The following RGS6 variants were observed in gnomAD, a reference collection of about 807,000 sequenced individuals.
RGS6 encodes regulator of G protein signaling 6, also known as regulator of G-protein signaling 6.
A neutral mutation model predicts 78.5 loss-of-function variants in RGS6; 30 were observed. The observed-to-expected ratio is 0.38, with a 90% confidence interval of 0.29 to 0.52. The LOEUF is 0.52. Among genes scored for constraint, RGS6 ranks in the 20% least tolerant of loss-of-function variants. The pLI is 0.85. For missense variants in RGS6, 495 were observed against 609.7 expected, an observed-to-expected ratio of 0.81 and a Z score of 1.98; for synonymous variants, 206 against 206.0, an observed-to-expected ratio of 1.00 and a Z score of 0.00.
In RGS6 at chr14:72,070,120, A is replaced by G. The variant is rs576734133; in HGVS notation, c.84+105245A>G. Among the ~76,000 whole-genome samples the G allele has an allele frequency of 2.6e-5, 4 of 151,662 alleles. No homozygotes were observed. The South Asian group carries it at 8.4e-4, about 32-fold the overall frequency. ...GTATCTGATTTGCTGGCTGTCATTC[A>G]TTGTGCTTTATTTCTCTCTCTCTCT... On this transcript the variant is annotated intron_variant, in intron 2 of 17. Coordinates refer to ENST00000553525, the MANE Select transcript of RGS6 (RefSeq NM_001204424.2).
chr14:72,344,557 T>A (rs2077628623), intron 2 of RGS6, among the ~76,000 whole-genome samples: 1 of 152,222 alleles, frequency 6.6e-6, no homozygotes, highest in Admixed American at 6.5e-5. Flanking sequence ...TCCCACTGAA[T>A]GCTGGAATCC....
the RGS6 span, chr14:72,619,767 G>T: frequency 7.1e-6 from 6 of 846,220 alleles, no homozygotes; most frequent in African/African-American, 1.0e-4. Context: ...ACCTTGTGGG[G>T]TTGTGATGAT....
intron 2 of RGS6, among the ~76,000 whole-genome samples, chr14:71,994,274 G>A (rs758517921): frequency 1.8e-4 from 27 of 152,004 alleles, no homozygotes; most frequent in Non-Finnish European, 3.5e-4. Flanking sequence ...AGTACCTAAC[G>A]AAGAATTTTT....
the RGS6 span, among the ~76,000 whole-genome samples, chr14:72,576,669 G>A: frequency 0.012 from 1,803 of 152,302 alleles, 35 homozygotes; most frequent in African/African-American, 0.041. Flanking sequence ...GTCCCATGAT[G>A]CAGACAGATT....
At chr14:72,461,839 C>T (rs562337658) in intron 6 of RGS6, among the ~76,000 whole-genome samples, 1 of 152,292 alleles carries the variant, frequency 6.6e-6, no homozygotes, top group African/African-American at 2.4e-5. Context: ...AATTACTTAA[C>T]CTCTCTGTGC....
intron 3 of RGS6, among the ~76,000 whole-genome samples, chr14:72,358,112 C>T (rs913856314): frequency 6.6e-6 from 1 of 152,134 alleles, no homozygotes; most frequent in Non-Finnish European, 1.5e-5. Flanking sequence ...TCTGGGTGTG[C>T]AGAAGACAAG....
intron 2 of RGS6, among the ~76,000 whole-genome samples, chr14:72,351,412 CA>C (rs1355712143): frequency 6.6e-6 from 1 of 152,186 alleles, no homozygotes; most frequent in Non-Finnish European, 1.5e-5. Flanking sequence ...AGGATGTCAA[CA>C]GTCCACTATG....
At chr14:72,502,983 A>G (rs1481099715) in intron 13 of RGS6, among the ~76,000 whole-genome samples, 4 of 152,210 alleles carry the variant, frequency 2.6e-5, no homozygotes, top group Non-Finnish European at 5.9e-5. Flanking sequence ...AGGCTGCTAC[A>G]GCAAAAATGC....
chr14:72,556,907 TC>T (rs2097586137), intron 17 of RGS6, among the ~76,000 whole-genome samples: 1 of 152,230 alleles, frequency 6.6e-6, no homozygotes, highest in South Asian at 2.1e-4. Context: ...TGATATAGCT[TC>T]CTATTTAAAA....
intron 2 of RGS6, among the ~76,000 whole-genome samples, chr14:72,298,410 A>T (rs1409619231): frequency 1.4e-5 from 2 of 144,894 alleles, no homozygotes; most frequent in East Asian, 2.0e-4. Context: ...TGTGTTAATG[A>T]GAGATATTGT....
chr14:72,119,237 C>T (rs1419079778), intron 2 of RGS6, among the ~76,000 whole-genome samples: 1 of 152,038 alleles, frequency 6.6e-6, no homozygotes, highest in African/African-American at 2.4e-5. Flanking sequence ...AGATAGGAGT[C>T]GGGTAGAGCT....
chr14:72,234,644 C>G (rs1345687948), intron 2 of RGS6, among the ~76,000 whole-genome samples: 5 of 152,012 alleles, frequency 3.3e-5, no homozygotes, highest in Admixed American at 3.3e-4. Context: ...GGTAAGGTTA[C>G]CTCACAGTGA....
intron 2 of RGS6, among the ~76,000 whole-genome samples, chr14:72,069,175 G>A (rs896909353): frequency 9.9e-5 from 15 of 151,646 alleles, no homozygotes; most frequent in African/African-American, 3.1e-4. Flanking sequence ...GTTTCACCAC[G>A]TTGGCCAGGC....
chr14:72,464,480 C>T (rs1194377592), intron 6 of RGS6, among the ~76,000 whole-genome samples: 1 of 152,148 alleles, frequency 6.6e-6, no homozygotes, highest in Non-Finnish European at 1.5e-5. Context: ...TCCAAAATGT[C>T]ATAGGTATCA....
At chr14:72,363,710 A>G (rs1252929085) in intron 3 of RGS6, among the ~76,000 whole-genome samples, 5 of 152,208 alleles carry the variant, frequency 3.3e-5, no homozygotes, top group Non-Finnish European at 7.3e-5. Context: ...CAAAAATTAT[A>G]GTAAAAGATT....
intron 2 of RGS6, among the ~76,000 whole-genome samples, chr14:72,096,831 C>T (rs765248836): frequency 7.2e-5 from 11 of 152,198 alleles, no homozygotes; most frequent in Non-Finnish European, 1.5e-4. Context: ...GGGGCAAGTT[C>T]CCAAGGACGT....
At chr14:72,127,630 G>A (rs529221464) in intron 2 of RGS6, among the ~76,000 whole-genome samples, 3 of 152,154 alleles carry the variant, frequency 2.0e-5, no homozygotes, top group African/African-American at 7.2e-5. Context: ...TTAATTTTGA[G>A]GCAATTGTAG....
intron 17 of RGS6, among the ~76,000 whole-genome samples, chr14:72,556,875 T>A (rs2097585561): frequency 6.6e-6 from 1 of 152,238 alleles, no homozygotes; most frequent in South Asian, 2.1e-4. Flanking sequence ...TTTAAAAAAA[T>A]TGGGGTATTG....
At chr14:71,926,758 T>A in the RGS6 span, among the ~76,000 whole-genome samples, 2 of 152,126 alleles carry the variant, frequency 1.3e-5, no homozygotes, top group Admixed American at 1.3e-4. Context: ...TTTTACAGGG[T>A]GTTATGCATT....
Sources: allele counts gnomAD v4.1 joint callset (sites outside exome capture counted in the v4.1 genomes callset), GRCh38; gene constraint gnomAD v4.1.1; transcripts MANE v1.5; gene names NCBI Gene and HGNC (gene_info 2026-07-23, HGNC 2026-07-21).